Variants in HHAT observed in about 807,000 individuals in gnomAD.
HHAT encodes hedgehog acyltransferase.
HHAT carries 47 observed loss-of-function variants against 70.8 expected under a neutral mutation model. The observed-to-expected ratio is 0.66, with a 90% CI of 0.53 to 0.85. The LOEUF is 0.85. Among genes scored for constraint, HHAT ranks in the 40% least tolerant of loss-of-function variants. The pLI, the probability that HHAT is intolerant of heterozygous loss-of-function variation, is 0.00. For synonymous variants in HHAT, 228 were observed against 247.6 expected (o/e 0.92, Z 0.74); for missense variants, 609 against 604.8 (o/e 1.01, Z -0.07).
chr1:210,582,715 CT>C (rs1326561513), intron 9 of HHAT, among the ~76,000 whole-genome samples: 2 of 152,192 alleles, frequency 1.3e-5, no homozygotes, highest in African/African-American at 4.8e-5. Flanking sequence ...TTATGCCCCA[CT>C]TCTGACACAG....
intron 7 of HHAT, among the ~76,000 whole-genome samples, chr1:210,424,940 G>C (rs981617153): frequency 1.3e-5 from 2 of 152,110 alleles, no homozygotes; most frequent in African/African-American, 4.8e-5. Flanking sequence ...TTCTATAATG[G>C]TTGAACTAAT....
At chr1:210,491,310 GATAA>G (rs1185338253) in intron 8 of HHAT, among the ~76,000 whole-genome samples, 1 of 152,092 alleles carries the variant, frequency 6.6e-6, no homozygotes, top group Non-Finnish European at 1.5e-5. Flanking sequence ...TTTTCTAGAA[GATAA>G]ATAAGTCTCT....
At chr1:210,343,022 A>G (rs1215698939) in intron 1 of HHAT, among the ~76,000 whole-genome samples, 1 of 152,142 alleles carries the variant, frequency 6.6e-6, no homozygotes, top group African/African-American at 2.4e-5. Context: ...AACTCAGTAT[A>G]CCACTGGAGA....
At chr1:210,333,568 G>A (rs964458538) in intron 1 of HHAT, among the ~76,000 whole-genome samples, 3 of 152,048 alleles carry the variant, frequency 2.0e-5, no homozygotes, top group African/African-American at 7.2e-5. Flanking sequence ...CCATGTAAAT[G>A]GTATTTTGTA....
At chr1:210,475,960 C>T (rs1277325212) in intron 8 of HHAT, among the ~76,000 whole-genome samples, 1 of 152,204 alleles carries the variant, frequency 6.6e-6, no homozygotes, top group East Asian at 1.9e-4. Flanking sequence ...GAATCAGAGA[C>T]ACTGATATGT....
chr1:210,665,341 C>T (rs1482016549), intron 11 of HHAT, among the ~76,000 whole-genome samples: 1 of 152,202 alleles, frequency 6.6e-6, no homozygotes. Flanking sequence ...TTCTTTACAA[C>T]CTGGTGGTTC....
intron 1 of HHAT, among the ~76,000 whole-genome samples, chr1:210,335,072 A>G (rs2085355999): frequency 6.6e-6 from 1 of 152,210 alleles, no homozygotes; most frequent in Non-Finnish European, 1.5e-5. Flanking sequence ...TCTTGTTACT[A>G]AAAATTGATA....
rs997374307 is a variant in HHAT, at chr1:210,498,870, A to G, written c.1008-14283A>G. 2.6e-5 allele frequency among the ~76,000 whole-genome samples: 4 copies of G among 151,202 alleles called. No individual in the cohort carries two copies. In the Admixed American group the frequency reaches 2.6e-4, roughly 10 times the overall value. ...CTGCAACCTCCATCTCCTGGGTTCA[A>G]GTGATTCTCCTGCCTCAGCCTCCTG... On this transcript the variant is annotated intron_variant, in intron 8 of 11. Transcript: ENST00000261458.
At chr1:210,544,494 T>C (rs1429927773) in intron 9 of HHAT, among the ~76,000 whole-genome samples, 1 of 148,068 alleles carries the variant, frequency 6.8e-6, no homozygotes, top group African/African-American at 2.5e-5. Flanking sequence ...TGCTTCAGCC[T>C]CCCGAGTAGC....
At chr1:210,514,476 C>T (rs752352588) in intron 9 of HHAT, among the ~76,000 whole-genome samples, 7 of 152,102 alleles carry the variant, frequency 4.6e-5, no homozygotes, top group Admixed American at 6.6e-5. Context: ...GGGAGTAGTT[C>T]GAGTTTTTTA....
chr1:210,373,600 T>G (rs929088667), intron 3 of HHAT, among the ~76,000 whole-genome samples: 1 of 152,174 alleles, frequency 6.6e-6, no homozygotes, highest in South Asian at 2.1e-4. Context: ...TCCATCATGA[T>G]TTTGCTCCCA....
chr1:210,617,381 G>C (rs892005624), intron 10 of HHAT, among the ~76,000 whole-genome samples: 1 of 152,240 alleles, frequency 6.6e-6, no homozygotes, highest in Non-Finnish European at 1.5e-5. Context: ...CACATAATGT[G>C]CTTGATGAAG....
Position 210,635,163 on chromosome 1 carries a change from C to CT in HHAT, c.1390+11495dup, listed in dbSNP as rs533283479. On this transcript the variant is annotated intron_variant, in intron 11 of 11. Coordinates refer to ENST00000261458, the MANE Select transcript of HHAT (RefSeq NM_018194.6). Reference sequence around the variant, plus strand: ...TAGAGGAGGTGACATCAGAGGTGGGCTTAATGGATGAGTAAGTCCAGACTC... The same window carrying CT: ...TAGAGGAGGTGACATCAGAGGTGGGCTTTAATGGATGAGTAAGTCCAGACTC... Among the ~76,000 whole-genome samples the CT allele has an allele frequency of 2.4e-3, 318 of 132,240 alleles. 1 individual carries two copies. Among genetic ancestry groups the CT allele is most frequent in the African/African-American group, 8.4e-3 (309 of 36,826 alleles). The allele number at this position is 132,240 out of a possible 152,430, so 86.8% of individuals were successfully genotyped here. A position where few individuals can be genotyped will look rare whatever the true frequency, so the allele number is the denominator to read the frequency against.
intron 7 of HHAT, among the ~76,000 whole-genome samples, chr1:210,433,676 T>G (rs2148332695): frequency 6.6e-6 from 1 of 152,074 alleles, no homozygotes; most frequent in African/African-American, 2.4e-5. Context: ...TGTTTTTCTT[T>G]CATTTCCCTT....
At chr1:210,365,245 C>CAAG (rs2088796781) in intron 3 of HHAT, among the ~76,000 whole-genome samples, 1 of 150,928 alleles carries the variant, frequency 6.6e-6, no homozygotes, top group Non-Finnish European at 1.5e-5. Context: ...GCTTAGTTTT[C>CAAG]TGACCAGCCC....
chr1:210,367,365 A>T (rs9970232), intron 3 of HHAT, among the ~76,000 whole-genome samples: 122,560 of 152,048 alleles, frequency 0.81, 50,041 homozygotes, highest in African/African-American at 0.93. Flanking sequence ...CATGGAGGTG[A>T]GAAATACATT....
chr1:210,547,202 G>A (rs1279237945), intron 9 of HHAT, among the ~76,000 whole-genome samples: 3 of 151,786 alleles, frequency 2.0e-5, no homozygotes, highest in African/African-American at 7.3e-5. Context: ...GGTGGCGAGC[G>A]CCTGTAATCC....
chr1:210,364,557 T>TTTTC (rs1253446063), intron 3 of HHAT, among the ~76,000 whole-genome samples: 2 of 152,230 alleles, frequency 1.3e-5, no homozygotes, highest in Non-Finnish European at 2.9e-5. Flanking sequence ...TGAGGCAGCG[T>TTTTC]GAGAAAGTGA....
chr1:210,623,689 C>T lies in HHAT; in HGVS notation c.1390+19C>T. 2 of 1,609,304 alleles carry T rather than the reference C, an allele frequency of 1.2e-6. No individual in the cohort carries two copies. The highest frequency in any genetic ancestry group is 1.7e-6 in the Non-Finnish European group (2 of 1,176,676). ...ATACAAGGTAAGTTGCTTGACAGTGCTGTTTTCAGTCAGTTTCTTGTTTTC... is the reference window on the plus strand; with the variant it reads ...ATACAAGGTAAGTTGCTTGACAGTGTTGTTTTCAGTCAGTTTCTTGTTTTC... On this transcript the variant is annotated intron_variant, in intron 11 of 11. Coordinates refer to ENST00000261458, the MANE Select transcript of HHAT (RefSeq NM_018194.6).
Sources: gnomAD v4.1 joint callset for allele counts (sites outside exome capture counted in the v4.1 genomes callset) on GRCh38, gnomAD v4.1.1 for gene constraint, MANE v1.5 for transcripts, NCBI Gene and HGNC (gene_info 2026-07-23, HGNC 2026-07-21) for gene names.